Variants in RFC3 observed in about 807,000 individuals in gnomAD.
RFC3 encodes A1 38 kDa subunit.
In RFC3, 41 loss-of-function variants were observed where a neutral mutation model predicts 45.1. The ratio of observed to expected loss-of-function variants is 0.91; its 90% CI spans 0.71 to 1.18. The LOEUF (loss-of-function observed/expected upper bound fraction) is 1.18, where lower values mean the gene tolerates loss of function less well. Among genes scored for constraint, RFC3 ranks in the 50% most tolerant of loss-of-function variants. RFC3 has a pLI of 0.00. For synonymous variants in RFC3, 149 were observed against 144.0 expected, an observed-to-expected ratio of 1.03 and a Z score of -0.25; for missense variants, 423 against 428.1, an observed-to-expected ratio of 0.99 and a Z score of 0.10.
intron 8 of RFC3, among the ~76,000 whole-genome samples, chr13:33,920,877 A>G (rs1398535650): frequency 2.6e-5 from 4 of 152,082 alleles, no homozygotes; most frequent in Non-Finnish European, 4.4e-5. Flanking sequence ...AATCTTCCCT[A>G]CTACATAGTT....
chr13:33,820,810 C>A (rs1222880704), intron 1 of RFC3, among the ~76,000 whole-genome samples: 1 of 151,760 alleles, frequency 6.6e-6, no homozygotes, highest in Non-Finnish European at 1.5e-5. Context: ...TTGGGAGTTC[C>A]CGCTTTCTAG....
intron 8 of RFC3, among the ~76,000 whole-genome samples, chr13:33,917,907 G>A (rs1363562702): frequency 1.3e-5 from 2 of 152,028 alleles, no homozygotes; most frequent in Admixed American, 6.6e-5. Flanking sequence ...AGCCAGTAAG[G>A]GGGTGTCAGA....
At chr13:33,825,121 G>A (rs1234959540) in intron 3 of RFC3, among the ~76,000 whole-genome samples, 4 of 152,146 alleles carry the variant, frequency 2.6e-5, no homozygotes, top group African/African-American at 7.2e-5. Context: ...TGGGGTGATT[G>A]AAATTAACAT....
At chr13:33,840,691 AGT>A (rs1491380217), downstream of RFC3, among the ~76,000 whole-genome samples, 14 of 126,124 alleles carry the variant, frequency 1.1e-4, no homozygotes, top group African/African-American at 3.6e-4. Flanking sequence ...ATTTATACGT[AGT>A]TTTTTTTTCA....
At chr13:33,968,277 G>A (rs6562228), downstream of RFC3, among the ~76,000 whole-genome samples, 141,930 of 152,250 alleles carry the variant, frequency 0.93, 66,936 homozygotes, top group East Asian at 1. Context: ...ACAGGTGTGC[G>A]CCACTACACC....
Position 33,825,871 on chromosome 13 carries a change from C to G in RFC3, c.376C>G (p.Gln126Glu), listed in dbSNP as rs145079951. 6.2e-5 allele frequency: 99 copies of G among 1,604,732 alleles called. No homozygotes were observed. The African/African-American group carries it at 1.2e-3, about 19-fold the overall frequency. Residue 126 changes from glutamine to glutamate, a missense_variant, in exon 4 of 9, where the codon CAA (glutamine) becomes GAA (glutamate). Transcript: ENST00000380071. Reference sequence around the variant, plus strand: ...ATCACAACAACTTGAAACAAACTCTCAAAGGGATTTTAAAGGTAGGTGATC... The same window carrying G: ...ATCACAACAACTTGAAACAAACTCTGAAAGGGATTTTAAAGGTAGGTGATC... Reference protein sequence around the residue: ...AQSQQLETNSQRDFKVVLLTE... With the variant: ...AQSQQLETNSERDFKVVLLTE...
intron 8 of RFC3, chr13:33,847,190 C>T (rs1456579073): frequency 3.9e-5 from 6 of 152,432 alleles, no homozygotes; most frequent in African/African-American, 1.4e-4. Flanking sequence ...GCGTGAGCCA[C>T]CATGCCTGGC....
intron 8 of RFC3, among the ~76,000 whole-genome samples, chr13:33,935,458 G>C (rs2082880219): frequency 6.6e-6 from 1 of 152,154 alleles, no homozygotes; most frequent in African/African-American, 2.4e-5. Flanking sequence ...TTTCATGTCT[G>C]ACTTGTGAGT....
At chr13:33,871,419 G>A (rs989563047) in intron 8 of RFC3, among the ~76,000 whole-genome samples, 21 of 152,148 alleles carry the variant, frequency 1.4e-4, no homozygotes, top group African/African-American at 5.1e-4. Flanking sequence ...TCCCTTCCTC[G>A]TATCCCTCCA....
chr13:33,938,184 CAAAAAAAAAAAAAA>C (rs34685731), intron 8 of RFC3, among the ~76,000 whole-genome samples: 1 of 70,782 alleles, frequency 1.4e-5, no homozygotes, highest in Non-Finnish European at 2.5e-5. Flanking sequence ...AGTCCAACTG[CAAAAAAAAAAAAAA>C]AAAAAAAAAA....
In RFC3 at chr13:33,821,201, A is replaced by G; in HGVS notation, c.157A>G (p.Met53Val). The change falls in exon 2 of 9, where the codon ATG (methionine) becomes GTG (valine). Residue 53 changes from methionine to valine, a missense_variant. Physicochemically the swap from Met to Val is conservative, Grantham distance 21. Coordinates refer to ENST00000380071, the MANE Select transcript of RFC3 (RefSeq NM_002915.4). Reference protein sequence around the residue: ...PSGAGKKTRIMCILRELYGVG... With the variant: ...PSGAGKKTRIVCILRELYGVG... ...AGGTGCTGGAAAAAAGACAAGAATTATGTGTATTCTACGTGAACTTTATGG... is the reference window on the plus strand; with the variant it reads ...AGGTGCTGGAAAAAAGACAAGAATTGTGTGTATTCTACGTGAACTTTATGG... The G allele has an allele frequency of 1.2e-6, 2 of 1,613,580 alleles. No individual in the cohort carries two copies. The highest frequency in any genetic ancestry group is 1.7e-6 in the Non-Finnish European group (2 of 1,179,578).
chr13:33,959,618 C>A lies in RFC3; in HGVS notation c.880-6469C>A, dbSNP rs768162685. On this transcript the variant is annotated intron_variant, in intron 8 of 8. Transcript: ENST00000434425. ...AACATTTATCTCAGGCCCAGTTGTACTTATTTATTGTTAGCCTTGTCCATT... is the reference window on the plus strand; with the variant it reads ...AACATTTATCTCAGGCCCAGTTGTAATTATTTATTGTTAGCCTTGTCCATT... Among the ~76,000 whole-genome samples, 104 of 152,176 alleles carry A rather than the reference C, an allele frequency of 6.8e-4. 1 individual carries two copies. The highest frequency in any genetic ancestry group is 3.9e-4 in the Admixed American group (6 of 15,280).
rs959771487 is a variant in RFC3, at chr13:33,888,863, A to C, written c.879+53646A>C. Reference sequence around the variant, plus strand: ...CAGGTTCACGCCATTCTCCTGTCTCAGCCTCCTGAGTAGCTGGGACTACAG... The same window carrying C: ...CAGGTTCACGCCATTCTCCTGTCTCCGCCTCCTGAGTAGCTGGGACTACAG... On this transcript the variant is annotated intron_variant, in intron 8 of 8. Coordinates refer to the RFC3 transcript ENST00000434425. 5.3e-5 allele frequency among the ~76,000 whole-genome samples: 8 copies of C among 150,890 alleles called. No homozygotes were observed. The Admixed American group carries it at 5.3e-4, about 10-fold the overall frequency.
intron 8 of RFC3, among the ~76,000 whole-genome samples, chr13:33,949,593 C>T (rs77958140): frequency 0.018 from 2,804 of 152,216 alleles, 69 homozygotes; most frequent in African/African-American, 0.06. Context: ...CATGATTGTA[C>T]TGTGGTGTGC....
chr13:33,881,698 C>A (rs1233235672), intron 8 of RFC3, among the ~76,000 whole-genome samples: 5 of 152,160 alleles, frequency 3.3e-5, no homozygotes, highest in African/African-American at 7.2e-5. Context: ...TTCCCTCTGT[C>A]CCTGTTCTTG....
At chr13:33,920,456 CCTCA>C (rs2082762007) in intron 8 of RFC3, among the ~76,000 whole-genome samples, 1 of 126,314 alleles carries the variant, frequency 7.9e-6, no homozygotes, top group East Asian at 2.4e-4. Flanking sequence ...GCAACAAGGT[CCTCA>C]CTCTGTCTCT....
intron 8 of RFC3, among the ~76,000 whole-genome samples, chr13:33,916,370 T>A (rs2082733513): frequency 6.6e-6 from 1 of 152,156 alleles, no homozygotes; most frequent in Non-Finnish European, 1.5e-5. Context: ...CAATGGTCCT[T>A]TTGCTTGTAT....
At position 33,915,359 on chromosome 13, in the gene RFC3, A is replaced by G. The variant is rs555298812; in HGVS notation, c.880-50728A>G. The stretch of plus-strand genomic sequence containing the variant: ...GATATTACCAACTGTACATATGTGT[A>G]TATCTCTTTCTATATATTTGTCCTA... On this transcript the variant is annotated intron_variant, in intron 8 of 8. Coordinates refer to the RFC3 transcript ENST00000434425. Among the ~76,000 whole-genome samples the G allele has an allele frequency of 2.0e-5, 3 of 152,298 alleles. No homozygotes were observed. The South Asian group carries it at 6.2e-4, about 32-fold the overall frequency.
At chr13:33,824,258 A>C (rs1242517546) in intron 3 of RFC3, among the ~76,000 whole-genome samples, 1 of 152,074 alleles carries the variant, frequency 6.6e-6, no homozygotes, top group Non-Finnish European at 1.5e-5. Context: ...TTGTCAGTAA[A>C]TTTTTGTTAA....
Sources: gnomAD v4.1 joint callset for allele counts (sites outside exome capture counted in the v4.1 genomes callset) on GRCh38, gnomAD v4.1.1 for gene constraint, MANE v1.5 for transcripts, NCBI Gene and HGNC (gene_info 2026-07-23, HGNC 2026-07-21) for gene names.